Variants in PRKG1 observed in about 807,000 individuals in gnomAD.
PRKG1 encodes the protein protein kinase cGMP-dependent 1.
Under a neutral mutation model 88.1 loss-of-function variants are expected in PRKG1, and 35 were observed. The observed-to-expected ratio is 0.40, with a 90% CI of 0.30 to 0.53. The LOEUF is 0.53. PRKG1 is among the 20% of genes least tolerant of loss of function. The pLI, the probability that PRKG1 is intolerant of heterozygous loss-of-function variation, is 0.59. For synonymous variants in PRKG1, 303 were observed against 292.5 expected (o/e 1.04, Z -0.37); for missense variants, 540 against 839.8 (o/e 0.64, Z 4.41).
chr10:52,191,357 G>T (rs1163824513), intron 9 of PRKG1, among the ~76,000 whole-genome samples: 7 of 150,328 alleles, frequency 4.7e-5, no homozygotes, highest in Non-Finnish European at 8.9e-5. Context: ...TTACAGAGAT[G>T]GGGTTTTGCC....
chr10:51,852,887 A>G (rs1003082685), intron 4 of PRKG1, among the ~76,000 whole-genome samples: 2 of 152,098 alleles, frequency 1.3e-5, no homozygotes, highest in African/African-American at 4.8e-5. Context: ...TTTTTTCTAG[A>G]TGAGTTTTTA....
chr10:52,035,098 A>G (rs1845572204), intron 5 of PRKG1, among the ~76,000 whole-genome samples: 1 of 152,230 alleles, frequency 6.6e-6, no homozygotes, highest in African/African-American at 2.4e-5. Flanking sequence ...GTCTGTTATC[A>G]GACTGTATTG....
intron 1 of PRKG1, among the ~76,000 whole-genome samples, chr10:51,016,730 G>A (rs1195459439): frequency 1.0e-4 from 11 of 105,104 alleles, no homozygotes; most frequent in Middle Eastern, 6.4e-3. Context: ...GTGCAGTGGC[G>A]CGATCTCGGC....
intron 2 of PRKG1, among the ~76,000 whole-genome samples, chr10:51,459,182 A>C (rs1469583752): frequency 6.6e-6 from 1 of 152,092 alleles, no homozygotes; most frequent in African/African-American, 2.4e-5. Flanking sequence ...TAAGCAGTAG[A>C]TCTTCCCTCA....
intron 2 of PRKG1, among the ~76,000 whole-genome samples, chr10:51,334,925 G>GA (rs1249804376): frequency 2.0e-5 from 3 of 151,020 alleles, no homozygotes; most frequent in Non-Finnish European, 4.4e-5. Flanking sequence ...TCTATTAAGG[G>GA]AAAAACAGGA....
intron 2 of PRKG1, among the ~76,000 whole-genome samples, chr10:51,243,702 T>G (rs1332798637): frequency 2.0e-5 from 3 of 152,200 alleles, no homozygotes; most frequent in Non-Finnish European, 4.4e-5. Flanking sequence ...TGGCAAGGTC[T>G]CTTTTCATAT....
chr10:51,272,591 A>G (rs531691890), intron 2 of PRKG1, among the ~76,000 whole-genome samples: 187 of 152,224 alleles, frequency 1.2e-3, no homozygotes, highest in Non-Finnish European at 2.2e-3. Context: ...AAAAATTAGT[A>G]GAAAGGGAGG....
At chr10:51,118,201 A>G (rs566190784) in intron 1 of PRKG1, among the ~76,000 whole-genome samples, 31 of 152,312 alleles carry the variant, frequency 2.0e-4, no homozygotes, top group Middle Eastern at 6.8e-3. Flanking sequence ...ATTTGGCCAA[A>G]GGCCATTTAA....
At chr10:51,753,674 T>C (rs1837784743) in intron 3 of PRKG1, among the ~76,000 whole-genome samples, 1 of 152,206 alleles carries the variant, frequency 6.6e-6, no homozygotes, top group African/African-American at 2.4e-5. Context: ...CTGATAGCTT[T>C]AACATTTTAA....
At chr10:52,015,793 G>A (rs1231298465) in intron 5 of PRKG1, among the ~76,000 whole-genome samples, 2 of 152,152 alleles carry the variant, frequency 1.3e-5, no homozygotes, top group Admixed American at 1.3e-4. Context: ...AATCTCTTCT[G>A]CCAGATACGC....
intron 2 of PRKG1, among the ~76,000 whole-genome samples, chr10:51,332,353 G>A (rs34481330): frequency 0.073 from 11,164 of 152,126 alleles, 486 homozygotes; most frequent in Middle Eastern, 0.12. Context: ...ATTCCTTATA[G>A]AACTTGGTAC....
intron 3 of PRKG1, among the ~76,000 whole-genome samples, chr10:51,558,887 A>C (rs1837384012): frequency 6.6e-6 from 1 of 152,106 alleles, no homozygotes; most frequent in Non-Finnish European, 1.5e-5. Context: ...TGAATACAGT[A>C]GTCCTCTCTT....
intron 2 of PRKG1, among the ~76,000 whole-genome samples, chr10:51,314,678 A>C (rs1031495973): frequency 3.3e-5 from 5 of 152,258 alleles, no homozygotes; most frequent in African/African-American, 1.2e-4. Context: ...AACATTCATC[A>C]TACAGGAAGT....
At chr10:51,724,578 G>A (rs1464351535) in intron 3 of PRKG1, among the ~76,000 whole-genome samples, 1 of 152,100 alleles carries the variant, frequency 6.6e-6, no homozygotes, top group East Asian at 1.9e-4. Context: ...AAATTGAGAT[G>A]GGGTCTCACT....
At chr10:51,160,822 T>C (rs754072908) in intron 2 of PRKG1, among the ~76,000 whole-genome samples, 19 of 152,082 alleles carry the variant, frequency 1.2e-4, no homozygotes, top group Non-Finnish European at 2.4e-4. Context: ...CCTCTTGGTT[T>C]GTGCTTTTTG....
At chr10:51,825,698 G>A (rs1188160951) in intron 4 of PRKG1, among the ~76,000 whole-genome samples, 2 of 152,126 alleles carry the variant, frequency 1.3e-5, no homozygotes, top group Non-Finnish European at 2.9e-5. Flanking sequence ...ACTTAATTTG[G>A]TAGATGACAG....
At position 52,281,083 on chromosome 10, in the gene PRKG1, G is replaced by A. The variant is rs552052689; in HGVS notation, c.1545+153G>A. Among the ~76,000 whole-genome samples the A allele has an allele frequency of 3.9e-5, 6 of 152,240 alleles. No individual in the cohort carries two copies. The South Asian group carries it at 1.2e-3, about 32-fold the overall frequency. On this transcript the variant is annotated intron_variant, in intron 13 of 17. Coordinates refer to ENST00000373980, the MANE Select transcript of PRKG1 (RefSeq NM_006258.4). ...TTAGCATTACACTTTTCAACTGAATGTTCTTTCAAATGATGCATCAGTTAT... is the reference window on the plus strand; with the variant it reads ...TTAGCATTACACTTTTCAACTGAATATTCTTTCAAATGATGCATCAGTTAT...
At chr10:51,798,277 G>C (rs906669670) in intron 3 of PRKG1, among the ~76,000 whole-genome samples, 1 of 151,794 alleles carries the variant, frequency 6.6e-6, no homozygotes, top group Admixed American at 6.6e-5. Context: ...AATGCACAAG[G>C]GTTCCAATTT....
At chr10:52,077,678 C>T (rs1814944401) in intron 7 of PRKG1, among the ~76,000 whole-genome samples, 1 of 152,056 alleles carries the variant, frequency 6.6e-6, no homozygotes, top group Non-Finnish European at 1.5e-5. Context: ...TTTCATGGTT[C>T]TACACACAGG....
Sources: gnomAD v4.1 joint callset for allele counts (sites outside exome capture counted in the v4.1 genomes callset) on GRCh38, gnomAD v4.1.1 for gene constraint, MANE v1.5 for transcripts, NCBI Gene and HGNC (gene_info 2026-07-23, HGNC 2026-07-21) for gene names.